CYLD: variants seen among roughly 807,000 people sequenced by gnomAD.
The protein encoded by CYLD is CYLD lysine 63 deubiquitinase.
In CYLD, 26 loss-of-function variants were observed where a neutral mutation model predicts 104.5. The ratio of observed to expected loss-of-function variants is 0.25; its 90% CI spans 0.18 to 0.35. The LOEUF (loss-of-function observed/expected upper bound fraction) is 0.35, where lower values mean the gene tolerates loss of function less well. CYLD is among the 10% of genes least tolerant of loss of function. The pLI is 1.00. For missense variants in CYLD, 703 were observed against 1,136.1 expected (o/e 0.62, Z 5.48); for synonymous variants, 385 against 399.9 (o/e 0.96, Z 0.45).
intron 14 of CYLD, among the ~76,000 whole-genome samples, chr16:50,790,321 T>G (rs1597082516): frequency 1.3e-5 from 2 of 152,328 alleles, no homozygotes; most frequent in East Asian, 3.9e-4. Context: ...CATCCTCATT[T>G]CTGCCTTCTT....
chr16:50,784,625 T>A, intron 12 of CYLD, 174 bp downstream of exon 12: 2 of 648,432 alleles, frequency 3.1e-6, no homozygotes, highest in Non-Finnish European at 5.1e-6. Flanking sequence ...TTTGCTTATT[T>A]AATTTCTTAA....
chr16:50,759,827 G>T (rs923119334), intron 5 of CYLD, among the ~76,000 whole-genome samples: 3 of 152,110 alleles, frequency 2.0e-5, no homozygotes, highest in African/African-American at 7.2e-5. Flanking sequence ...ATTACAAGTA[G>T]GATTGAACAG....
At chr16:50,761,378 ACTAT>A (rs1437179600) in intron 5 of CYLD, among the ~76,000 whole-genome samples, 2 of 152,198 alleles carry the variant, frequency 1.3e-5, no homozygotes, top group African/African-American at 2.4e-5. Context: ...AACCATCACC[ACTAT>A]CTATTTCCAG....
rs188366202 is a variant in CYLD at position 50,754,970 on chromosome 16, T to C, written c.913+546T>C. Among the ~76,000 whole-genome samples, 234 of 141,170 alleles carry C rather than the reference T, an allele frequency of 1.7e-3. 1 individual carries two copies. Among genetic ancestry groups the C allele is most frequent in the Middle Eastern group, 3.7e-3 (1 of 272 alleles). The allele number at this position is 141,170 out of a possible 152,430, so 92.6% of individuals were successfully genotyped here. On this transcript the variant is annotated intron_variant, in intron 5 of 18. Transcript: ENST00000427738. The stretch of plus-strand genomic sequence containing the variant: ...ACACACATATATACATATACACACA[T>C]ATATGTATACATATATACATATATA...
chr16:50,776,288 A>G lies in CYLD; in HGVS notation c.1021+11A>G, dbSNP rs1969677191. ...AACCAAAGGCTACAGGTATGGATTAATAGCATATAACCTTTAGTAATTTGC... is the reference window on the plus strand; with the variant it reads ...AACCAAAGGCTACAGGTATGGATTAGTAGCATATAACCTTTAGTAATTTGC... On this transcript the variant is annotated intron_variant, in intron 7 of 18. Coordinates refer to ENST00000427738, the MANE Select transcript of CYLD (RefSeq NM_001378743.1). The G allele has an allele frequency of 3.2e-6, 5 of 1,561,140 alleles. No individual in the cohort carries two copies. The highest frequency in any genetic ancestry group is 1.7e-4 in the Middle Eastern group (1 of 5,980).
At chr16:50,790,106 T>C (rs142931728) in intron 14 of CYLD, among the ~76,000 whole-genome samples, 5 of 152,308 alleles carry the variant, frequency 3.3e-5, no homozygotes, top group Non-Finnish European at 7.4e-5. Flanking sequence ...CAACAGATAA[T>C]AGCTGAATAA....
chr16:50,767,780 G>A (rs12933742), intron 5 of CYLD, among the ~76,000 whole-genome samples: 1 of 152,208 alleles, frequency 6.6e-6, no homozygotes, highest in South Asian at 2.1e-4. Flanking sequence ...ACACTCTAGA[G>A]CTGTATTTCC....
At chr16:50,766,174 G>A (rs1277620036) in intron 5 of CYLD, among the ~76,000 whole-genome samples, 1 of 152,166 alleles carries the variant, frequency 6.6e-6, no homozygotes, top group Non-Finnish European at 1.5e-5. Context: ...TTTTGTTAGG[G>A]GTTAATGCAG....
At position 50,794,706 on chromosome 16, in the gene CYLD, C is replaced by T; in HGVS notation, c.2686+278C>T. 1 of 439,108 alleles carries T rather than the reference C, an allele frequency of 2.3e-6. No individual in the cohort carries two copies. Among genetic ancestry groups the T allele is most frequent in the Admixed American group, 3.4e-5 (1 of 28,990 alleles). The allele number at this position is 439,108 out of a possible 1,614,324, so 27.2% of individuals were successfully genotyped here. ...CGTGATCTTGGCTCATTGCAACCTC[C>T]ACCTCTCAGGTTCAAGCAATCCTCC... On this transcript the variant is annotated intron_variant, in intron 18 of 18. Transcript: ENST00000427738. The surrounding 1 kb of genome is among the most constrained non-coding windows in gnomAD (Gnocchi z 4.1).
intron 5 of CYLD, among the ~76,000 whole-genome samples, chr16:50,763,403 A>G (rs11863594): frequency 0.23 from 35,401 of 152,110 alleles, 6,838 homozygotes; most frequent in African/African-American, 0.54. Flanking sequence ...GGAATTGCTG[A>G]GTCATATGAT....
intron 4 of CYLD, 85 bp from the exon 5 acceptor site, chr16:50,754,234 T>G (rs546410760): frequency 1.1e-6 from 1 of 878,468 alleles, no homozygotes; most frequent in East Asian, 2.6e-5. Context: ...TGTAAAATAT[T>G]TTGGAGGATT....
chr16:50,796,705 C>T lies in CYLD; in HGVS notation c.*197C>T. 1 of 600,658 alleles carries T rather than the reference C, an allele frequency of 1.7e-6. No homozygotes were observed. The highest frequency in any genetic ancestry group is 3.0e-6 in the Non-Finnish European group (1 of 336,728). 37.2% of individuals were successfully genotyped at this position (600,658 alleles called of 1,614,324 possible). On this transcript the variant is annotated 3_prime_UTR_variant, in exon 19 of 19. Coordinates refer to ENST00000427738, the MANE Select transcript of CYLD (RefSeq NM_001378743.1). ...TATTTAATAAGAAGCATTTTGCACT[C>T]TAGAAAGTATGTTTGTGTTGGTTTT...
chr16:50,756,328 A>G (rs1967238040), intron 5 of CYLD, among the ~76,000 whole-genome samples: 1 of 152,214 alleles, frequency 6.6e-6, no homozygotes, highest in East Asian at 1.9e-4. Flanking sequence ...AGAAGGCTTT[A>G]CACAGACATT....
At chr16:50,789,186 A>G (rs1035800908) in intron 14 of CYLD, among the ~76,000 whole-genome samples, 13 of 152,210 alleles carry the variant, frequency 8.5e-5, no homozygotes, top group Admixed American at 8.5e-4. Flanking sequence ...TAGAAAGCTC[A>G]GAAATAGAAT....
chr16:50,787,205 TTTCCACCTAGCAATGATA>T (rs1473733024), intron 13 of CYLD: 4 of 447,630 alleles, frequency 8.9e-6, no homozygotes, highest in Middle Eastern at 6.3e-4. Context: ...AGTCCTTTCC[TTTCCACCTAGCAATGATA>T]TTCTCAGTTG....
chr16:50,787,033 T>C (rs752301088), intron 13 of CYLD, 87 bp downstream of exon 13: 5 of 1,124,654 alleles, frequency 4.4e-6, no homozygotes, highest in South Asian at 1.3e-5. Flanking sequence ...GTCTGTGTAG[T>C]TGGGGGGTTT....
intron 9 of CYLD, 34 bp from the exon 10 acceptor site, chr16:50,781,212 C>T (rs375155687): frequency 1.7e-5 from 27 of 1,611,780 alleles, no homozygotes; most frequent in Admixed American, 1.7e-4. Flanking sequence ...CTGTAAGGCA[C>T]GGTATAATGC....
rs2151038994 is a variant in CYLD, at chr16:50,794,275, C to T, written c.2533C>T (p.Pro845Ser). Residue 845 changes from proline to serine, a missense_variant, in exon 18 of 19, where the codon CCC (proline) becomes TCC (serine). Pro to Ser is a moderately conservative substitution (Grantham distance 74). Transcript: ENST00000427738. The surrounding 1 kb of genome is among the most constrained non-coding windows in gnomAD (Gnocchi z 4.1). ...YNPVSLPKDL[P>S]DWDWRHGCIP... The stretch of plus-strand genomic sequence containing the variant: ...CCCAGTGTCACTTCCCAAAGACTTA[C>T]CCGACTGGGACTGGAGACACGGCTG... 1 of 1,614,154 alleles carries T rather than the reference C, an allele frequency of 6.2e-7. No homozygotes were observed. The highest frequency in any genetic ancestry group is 8.5e-7 in the Non-Finnish European group (1 of 1,180,028).
At chr16:50,748,539 C>A (rs962258779) in intron 2 of CYLD, among the ~76,000 whole-genome samples, 2 of 151,244 alleles carry the variant, frequency 1.3e-5, no homozygotes, top group African/African-American at 4.9e-5. Context: ...CAGAGCGAGA[C>A]CCTGTCTTAA....
Sources: allele counts gnomAD v4.1 joint callset (sites outside exome capture counted in the v4.1 genomes callset), GRCh38; gene constraint gnomAD v4.1.1; non-coding constraint Gnocchi (gnomAD v3.1); transcripts MANE v1.5; gene names NCBI Gene and HGNC (gene_info 2026-07-23, HGNC 2026-07-21).